Variants in SLBP observed in about 807,000 individuals in gnomAD.
SLBP encodes stem-loop histone mRNA binding protein, also known as histone RNA hairpin-binding protein.
In SLBP, 29 loss-of-function variants were observed where a neutral mutation model predicts 39.2. That is an observed-to-expected ratio of 0.74 (90% confidence interval 0.55 to 1.01). The LOEUF is 1.01. SLBP is among the 50% of genes least tolerant of loss of function. SLBP has a pLI of 0.00. For synonymous variants in SLBP, 129 were observed against 118.7 expected (o/e 1.09, Z -0.57); for missense variants, 390 against 350.2 (o/e 1.11, Z -0.91).
At chr4:1,708,426 A>G (rs1404285342) in intron 2 of SLBP, among the ~76,000 whole-genome samples, 2 of 152,250 alleles carry the variant, frequency 1.3e-5, no homozygotes, top group Non-Finnish European at 2.9e-5. Flanking sequence ...TTGGATTTCT[A>G]AAAGTAAATT....
intron 2 of SLBP, among the ~76,000 whole-genome samples, chr4:1,705,501 T>A (rs1368809069): frequency 6.6e-6 from 1 of 152,252 alleles, no homozygotes; most frequent in Admixed American, 6.5e-5. Context: ...TGTTTTATTT[T>A]GTCAGATTAT....
rs996341141 is a variant in SLBP at position 1,711,798 on chromosome 4, A to C, written c.176+76T>G. The C allele has an allele frequency of 5.4e-6, 4 of 742,312 alleles. No homozygotes were observed. In the African/African-American group the frequency reaches 5.5e-5, roughly 10 times the overall value. The allele number at this position is 742,312 out of a possible 1,614,324, so 46.0% of individuals were successfully genotyped here. On this transcript the variant is annotated intron_variant, in intron 2 of 7. Coordinates refer to ENST00000489418, the MANE Select transcript of SLBP (RefSeq NM_006527.4). ...ACCTGACCGATCCCGGCACCGCGAG[A>C]GCGCGACGAGGTCCCTGGAGCCCGC...
At chr4:1,703,530 T>C in intron 3 of SLBP, 66 bp downstream of exon 3, 1 of 995,660 alleles carries the variant, frequency 1.0e-6, no homozygotes, top group East Asian at 2.4e-5. Context: ...CTAAGACAAA[T>C]ATCAAATTTA....
intron 3 of SLBP, among the ~76,000 whole-genome samples, chr4:1,702,567 G>A (rs891306705): frequency 6.6e-6 from 1 of 152,154 alleles, no homozygotes; most frequent in African/African-American, 2.4e-5. Flanking sequence ...AACCAATTAT[G>A]AGCCACATTT....
intron 6 of SLBP, among the ~76,000 whole-genome samples, chr4:1,695,124 G>C (rs575062909): frequency 1.3e-5 from 2 of 152,272 alleles, no homozygotes; most frequent in East Asian, 3.9e-4. Flanking sequence ...AATTTTTGAG[G>C]GGGAGAAATG....
intron 2 of SLBP, among the ~76,000 whole-genome samples, chr4:1,706,223 T>A (rs1390969213): frequency 6.6e-6 from 1 of 151,566 alleles, no homozygotes; most frequent in African/African-American, 2.4e-5. Context: ...GAGACGGAGG[T>A]TGCAGTGAGC....
intron 2 of SLBP, among the ~76,000 whole-genome samples, chr4:1,706,917 G>A (rs757805552): frequency 2.1e-4 from 32 of 149,314 alleles, no homozygotes; most frequent in Non-Finnish European, 3.6e-4. Context: ...TAGATCACCT[G>A]AGGTCAAGAG....
chr4:1,700,943 T>G (rs1474496285), intron 3 of SLBP, among the ~76,000 whole-genome samples: 1 of 151,972 alleles, frequency 6.6e-6, no homozygotes. Context: ...TTTGCTGAGG[T>G]GTTCAGTGCA....
rs1357117442 is a variant in SLBP at position 1,693,648 on chromosome 4, A to C, written c.762T>G (p.Asp254Glu). 6.2e-7 allele frequency: 1 copy of C among 1,614,010 alleles called. No individual in the cohort carries two copies. The highest frequency in any genetic ancestry group is 8.5e-7 in the Non-Finnish European group (1 of 1,179,914). The part of the protein sequence containing the change: ...HMDSQVEDEF[D>E]LEACLTEPLR... ...AGGGTTCAGTTAAACAAGCTTCCAAATCAAACTCATCCTCCACTTGACTGT... is the reference window on the plus strand; with the variant it reads ...AGGGTTCAGTTAAACAAGCTTCCAACTCAAACTCATCCTCCACTTGACTGT... Residue 254 changes from aspartate (D) to glutamate (E), a missense_variant, in exon 8 of 8, where the codon GAT (aspartate) becomes GAG (glutamate). Physicochemically the swap from Asp to Glu is conservative, Grantham distance 45 (BLOSUM62 2). Coordinates refer to ENST00000489418, the MANE Select transcript of SLBP (RefSeq NM_006527.4).
At chr4:1,703,566 TA>T in intron 3 of SLBP, 29 bp downstream of exon 3, 1 of 1,349,508 alleles carries the variant, frequency 7.4e-7, no homozygotes, top group South Asian at 1.2e-5. Flanking sequence ...CGCCACAGAT[TA>T]ACACTTCAAG....
Position 1,693,554 on chromosome 4 carries a change from A to AGTCG in SLBP, c.*39_*42dup. 8.4e-7 allele frequency: 1 copy of AGTCG among 1,191,968 alleles called. No homozygotes were observed. Among genetic ancestry groups the AGTCG allele is most frequent in the Non-Finnish European group, 1.3e-6 (1 of 795,806 alleles). 73.8% of individuals were successfully genotyped at this position (1,191,968 alleles called of 1,614,324 possible). A position where few individuals can be genotyped will look rare whatever the true frequency, so the allele number is the denominator to read the frequency against. ...TTGGTGCCTGGCCAGCCTTCCACCT[A>AGTCG]GTCGGGGAGGAGCTGTTTCTCTTCC... On this transcript the variant is annotated 3_prime_UTR_variant, in exon 8 of 8. Transcript: ENST00000489418.
At chr4:1,703,010 G>C (rs1262320327) in intron 3 of SLBP, among the ~76,000 whole-genome samples, 1 of 152,108 alleles carries the variant, frequency 6.6e-6, no homozygotes, top group Non-Finnish European at 1.5e-5. Context: ...ACTTTGGGAG[G>C]CCGAGGTGGG....
intron 5 of SLBP, among the ~76,000 whole-genome samples, chr4:1,698,344 A>C (rs1400005976): frequency 6.6e-6 from 1 of 151,572 alleles, no homozygotes; most frequent in Non-Finnish European, 1.5e-5. Context: ...AAAAAAATGA[A>C]TACACAGTGA....
chr4:1,698,320 C>G (rs1005571288), intron 5 of SLBP, among the ~76,000 whole-genome samples: 1 of 150,034 alleles, frequency 6.7e-6, no homozygotes, highest in East Asian at 2.0e-4. Context: ...GGCAACAGAG[C>G]AAGATTCCGT....
chr4:1,696,671 G>A (rs1716116465), intron 5 of SLBP, among the ~76,000 whole-genome samples: 1 of 152,124 alleles, frequency 6.6e-6, no homozygotes, highest in African/African-American at 2.4e-5. Flanking sequence ...GCCAAGGTGG[G>A]TGGATCACCT....
At chr4:1,710,988 C>A (rs575877974) in intron 2 of SLBP, among the ~76,000 whole-genome samples, 1 of 145,170 alleles carries the variant, frequency 6.9e-6, no homozygotes, top group Non-Finnish European at 1.5e-5. Context: ...GAGGGGGAGG[C>A]TGCAGTGAGC....
chr4:1,711,306 A>T lies in SLBP; in HGVS notation c.176+568T>A, dbSNP rs538790482. 2.0e-5 allele frequency among the ~76,000 whole-genome samples: 3 copies of T among 152,010 alleles called. No homozygotes were observed. In the East Asian group the frequency reaches 5.8e-4, roughly 30 times the overall value. The stretch of plus-strand genomic sequence containing the variant: ...CACGCCTTTCAGGGAACTCAGGAGC[A>T]ACAAGCCCCCAGTGCGGGACGAGCC... On this transcript the variant is annotated intron_variant, in intron 2 of 7. Transcript: ENST00000489418.
chr4:1,694,837 G>T lies in SLBP; in HGVS notation c.633C>A (p.His211Gln), dbSNP rs768696298. Reference sequence around the variant, plus strand: ...TTTCTGCAGATTCAAGGTCTACAGGGTGTCTGTTAAACAAGATCCAACATG... The same window carrying T: ...TTTCTGCAGATTCAAGGTCTACAGGTTGTCTGTTAAACAAGATCCAACATG... ...AEEGCDLQEI[H>Q]PVDLESAESS... Residue 211 changes from histidine to glutamine, a missense_variant, in exon 7 of 8, where the codon CAC (histidine) becomes CAA (glutamine). Physicochemically the swap from His to Gln is conservative, Grantham distance 24 (BLOSUM62 0). Coordinates refer to ENST00000489418, the MANE Select transcript of SLBP (RefSeq NM_006527.4). 1.9e-6 allele frequency: 3 copies of T among 1,611,766 alleles called. No homozygotes were observed. Among genetic ancestry groups the T allele is most frequent in the Non-Finnish European group, 2.5e-6 (3 of 1,177,966 alleles).
chr4:1,699,615 T>C lies in SLBP; in HGVS notation c.428A>G (p.Asn143Ser), dbSNP rs1295807412. 2.5e-6 allele frequency: 4 copies of C among 1,613,776 alleles called. No individual in the cohort carries two copies. The highest frequency in any genetic ancestry group is 1.7e-5 in the Admixed American group (1 of 60,008). The change falls in exon 5 of 8, where the codon AAC becomes AGC. Residue 143 changes from asparagine to serine, a missense_variant. Physicochemically the swap from Asn to Ser is conservative, Grantham distance 46. Coordinates refer to ENST00000489418, the MANE Select transcript of SLBP (RefSeq NM_006527.4). ...SVLMRRQKQI[N>S]YGKNTIAYDR... Reference sequence around the variant, plus strand: ...GTAGGCAATTGTGTTCTTCCCATAGTTGATCTGCTTCTGTCTCCTCATTAG... The same window carrying C: ...GTAGGCAATTGTGTTCTTCCCATAGCTGATCTGCTTCTGTCTCCTCATTAG...
Sources: gnomAD v4.1 joint callset for allele counts (sites outside exome capture counted in the v4.1 genomes callset) on GRCh38, gnomAD v4.1.1 for gene constraint, MANE v1.5 for transcripts, NCBI Gene and HGNC (gene_info 2026-07-23, HGNC 2026-07-21) for gene names.